The following PARP9 variants were observed in gnomAD, a reference collection of about 807,000 sequenced individuals.
The protein encoded by PARP9 is poly(ADP-ribose) polymerase family member 9, also known as protein mono-ADP-ribosyltransferase PARP9.
Under a neutral mutation model 68.8 loss-of-function variants are expected in PARP9, and 48 were observed. The observed-to-expected ratio is 0.70, with a 90% CI of 0.55 to 0.89. The LOEUF is 0.89. PARP9 is among the 40% of genes least tolerant of loss of function. The pLI is 0.00. For missense variants in PARP9, 806 were observed against 969.3 expected, an observed-to-expected ratio of 0.83 and a Z score of 2.24; for synonymous variants, 309 against 333.8, an observed-to-expected ratio of 0.93 and a Z score of 0.81.
rs1303445965 is a variant in PARP9, at chr3:122,552,476, T to C, written c.1049A>G (p.Asn350Ser). The change falls in exon 5 of 11, where the codon AAC (asparagine) becomes AGC (serine). Residue 350 changes from asparagine to serine, a missense_variant. Coordinates refer to ENST00000682323, the MANE Select transcript of PARP9 (RefSeq NM_001146105.2). ...SQLVLVTKGFNLFCKYIYHVL... is the reference protein window; with the variant it reads ...SQLVLVTKGFSLFCKYIYHVL... ...ATGGTATATATATTTACAGAACAAGTTAAATCCTTTTGTGACCAGTACCAA... is the reference window on the plus strand; with the variant it reads ...ATGGTATATATATTTACAGAACAAGCTAAATCCTTTTGTGACCAGTACCAA... 1 of 1,614,030 alleles carries C rather than the reference T, an allele frequency of 6.2e-7. No homozygotes were observed. Among genetic ancestry groups the C allele is most frequent in the Non-Finnish European group, 8.5e-7 (1 of 1,180,032 alleles).
Position 122,552,664 on chromosome 3 carries a change from T to G in PARP9, c.886-25A>C. On this transcript the variant is annotated intron_variant, in intron 4 of 10. Transcript: ENST00000682323. ...CCTGAAAAGGGAAGAAAGGGTAGGA[T>G]TCATTGTTAAATTCCTTCTTCTTAA... 2.0e-6 allele frequency: 3 copies of G among 1,527,264 alleles called. 1 individual carries two copies. Among genetic ancestry groups the G allele is most frequent in the South Asian group, 2.2e-5 (2 of 89,022 alleles). The allele number at this position is 1,527,264 out of a possible 1,614,324, so 94.6% of individuals were successfully genotyped here. A position where few individuals can be genotyped will look rare whatever the true frequency, so the allele number is the denominator to read the frequency against.
At chr3:122,548,306 G>A (rs1443412420) in intron 6 of PARP9, among the ~76,000 whole-genome samples, 1 of 152,204 alleles carries the variant, frequency 6.6e-6, no homozygotes, top group East Asian at 1.9e-4. Flanking sequence ...CATAGAGCAG[G>A]CCAAGAGGTG....
At chr3:122,532,710 C>T (rs1460140310) in intron 10 of PARP9, 2 of 152,344 alleles carry the variant, frequency 1.3e-5, no homozygotes, top group Admixed American at 1.3e-4. Flanking sequence ...ACTTACTAGG[C>T]CTGTAGGCCT....
chr3:122,534,815 G>A (rs1392661079), intron 10 of PARP9: 8 of 612,102 alleles, frequency 1.3e-5, no homozygotes, highest in Non-Finnish European at 1.6e-5. Flanking sequence ...GGCGGAGGTT[G>A]CAGTGAGCCA....
chr3:122,550,503 A>G, intron 6 of PARP9, 81 bp downstream of exon 6: 1 of 1,173,472 alleles, frequency 8.5e-7, no homozygotes. Flanking sequence ...CCTGCATCTT[A>G]CATTGTAGAT....
At chr3:122,556,153 A>ATT in intron 3 of PARP9, 32 bp from the exon 4 acceptor site, 13 of 765,700 alleles carry the variant, frequency 1.7e-5, no homozygotes, top group South Asian at 2.8e-5. Context: ...AAAAAAAAAA[A>ATT]AAAAAAAAAA....
chr3:122,538,962 A>G (rs1232923553), intron 8 of PARP9, among the ~76,000 whole-genome samples: 1 of 152,098 alleles, frequency 6.6e-6, no homozygotes. Flanking sequence ...TTACAAACAC[A>G]TGGTGAAAAT....
At chr3:122,546,160 G>A (rs1384289728) in intron 6 of PARP9, among the ~76,000 whole-genome samples, 1 of 152,202 alleles carries the variant, frequency 6.6e-6, no homozygotes, top group Non-Finnish European at 1.5e-5. Flanking sequence ...TGGCAATATA[G>A]ATGGTCCTGA....
Position 122,559,637 on chromosome 3 carries a change from G to C in PARP9, c.-17C>G. On this transcript the variant is annotated 5_prime_UTR_variant, in exon 2 of 11. Transcript: ENST00000682323. Reference sequence around the variant, plus strand: ...AAAGTCCATCCTCCAGGTCCCCGGGGGAGTCTTTAAATGTTTATTCCCTTT... The same window carrying C: ...AAAGTCCATCCTCCAGGTCCCCGGGCGAGTCTTTAAATGTTTATTCCCTTT... 1 of 1,586,878 alleles carries C rather than the reference G, an allele frequency of 6.3e-7. No individual in the cohort carries two copies. The highest frequency in any genetic ancestry group is 8.6e-7 in the Non-Finnish European group (1 of 1,166,770).
At chr3:122,547,365 G>A (rs1207840611) in intron 6 of PARP9, among the ~76,000 whole-genome samples, 2 of 151,768 alleles carry the variant, frequency 1.3e-5, no homozygotes, top group Non-Finnish European at 2.9e-5. Context: ...AAAGGGCTGG[G>A]ATTACAGGCA....
At position 122,528,415 on chromosome 3, in the gene PARP9, G is replaced by A; in HGVS notation, c.2409C>T (p.Pro803=). 1.2e-6 allele frequency: 2 copies of A among 1,614,216 alleles called. No homozygotes were observed. The highest frequency in any genetic ancestry group is 2.2e-5 in the East Asian group (1 of 44,886). The change falls in exon 11 of 11, where the codon CCC becomes CCT. Residue 803 remains proline, a synonymous_variant. Coordinates refer to ENST00000682323, the MANE Select transcript of PARP9 (RefSeq NM_001146105.2). ...ATCCCCTCCAAGGATGCTGTGCAAA[G>A]GGTCTCATTGGTCCTGATGAGTAAT... ...SQDYSSGPMR[P]FAQHPWRGFA... is the part of the protein sequence containing the mutation.
Position 122,550,683 on chromosome 3 carries a change from C to T in PARP9, c.1227G>A (p.Glu409=). 1 of 1,614,142 alleles carries T rather than the reference C, an allele frequency of 6.2e-7. No homozygotes were observed. The highest frequency in any genetic ancestry group is 8.5e-7 in the Non-Finnish European group (1 of 1,180,012). ...NMEIKKETAA[E]ILFDEVLTFA... ...ATGTTAAAACTTCATCAAACAAAAT[C>T]TCTGCTGCTGTTTCCTTCTTTATTT... Residue 409 remains glutamate (E), a synonymous_variant, in exon 6 of 11, where the codon GAG becomes GAA. Transcript: ENST00000682323.
chr3:122,558,595 A>G (rs2107732852), intron 2 of PARP9, 128 bp from the exon 3 acceptor site: 2 of 1,109,856 alleles, frequency 1.8e-6, no homozygotes, highest in South Asian at 3.4e-5. Flanking sequence ...TTGGGAGGGC[A>G]GGAAGCATGT....
chr3:122,564,151 G>A (rs967760342), intron 1 of PARP9, 94 bp downstream of exon 1: 38 of 475,720 alleles, frequency 8.0e-5, no homozygotes, highest in African/African-American at 7.6e-4. Context: ...CCTGGCCCTG[G>A]GACCCGGGTC....
chr3:122,545,701 G>A lies in PARP9; in HGVS notation c.1327-212C>T. 1.3e-5 allele frequency: 7 copies of A among 539,354 alleles called. No homozygotes were observed. The South Asian group carries it at 1.9e-4, about 15-fold the overall frequency. 33.4% of individuals were successfully genotyped at this position (539,354 alleles called of 1,614,324 possible). A position where few individuals can be genotyped will look rare whatever the true frequency, so the allele number is the denominator to read the frequency against. On this transcript the variant is annotated intron_variant, in intron 6 of 10. Coordinates refer to ENST00000682323, the MANE Select transcript of PARP9 (RefSeq NM_001146105.2). ...AAAGAATAAGCATAGGAAAAATGGA[G>A]ATGAAATCAAAATCTGGTATAAATA...
chr3:122,544,926 G>A (rs376267827), intron 7 of PARP9, among the ~76,000 whole-genome samples: 25 of 152,192 alleles, frequency 1.6e-4, no homozygotes, highest in African/African-American at 6.0e-4. Flanking sequence ...CCCTGAATCA[G>A]CATCTGTAGA....
At chr3:122,535,863 C>A in intron 10 of PARP9, 1 of 1,143,084 alleles carries the variant, frequency 8.7e-7, no homozygotes, top group Admixed American at 4.7e-5. Context: ...AAAAAAAAGC[C>A]TCAACGTGTT....
At chr3:122,542,151 C>T (rs1365126118) in intron 7 of PARP9, among the ~76,000 whole-genome samples, 1 of 151,766 alleles carries the variant, frequency 6.6e-6, no homozygotes, top group Non-Finnish European at 1.5e-5. Context: ...TTGCATTTAT[C>T]CATTATTATC....
At chr3:122,536,553 T>C (rs2077659386) in intron 9 of PARP9, 1 of 910,360 alleles carries the variant, frequency 1.1e-6, no homozygotes, top group Non-Finnish European at 1.6e-6. Flanking sequence ...CCTTCTCTAA[T>C]AAATTCCTTT....
Sources: allele counts gnomAD v4.1 joint callset (sites outside exome capture counted in the v4.1 genomes callset), GRCh38; gene constraint gnomAD v4.1.1; transcripts MANE v1.5; gene names NCBI Gene and HGNC (gene_info 2026-07-23, HGNC 2026-07-21).